The following MTSS1 variants were observed in gnomAD, a reference collection of about 807,000 sequenced individuals.
MTSS1 encodes protein MTSS 1.
Under a neutral mutation model 79.0 loss-of-function variants are expected in MTSS1, and 18 were observed. That is an observed-to-expected ratio of 0.23 (90% CI 0.16 to 0.34). The LOEUF is 0.34. Among genes scored for constraint, MTSS1 ranks in the 10% least tolerant of loss-of-function variants. The pLI, the probability that MTSS1 is intolerant of heterozygous loss-of-function variation, is 1.00. For synonymous variants in MTSS1, 341 were observed against 368.6 expected (o/e 0.93, Z 0.86); for missense variants, 815 against 986.2 (o/e 0.83, Z 2.33).
chr8:124,718,459 C>T (rs186265715), intron 1 of MTSS1, among the ~76,000 whole-genome samples: 29 of 152,124 alleles, frequency 1.9e-4, no homozygotes, highest in African/African-American at 7.0e-4. Flanking sequence ...CTCTGCTCCC[C>T]GCTCCCTGTT....
At chr8:124,669,533 T>C (rs1298145876) in intron 3 of MTSS1, among the ~76,000 whole-genome samples, 1 of 152,200 alleles carries the variant, frequency 6.6e-6, no homozygotes, top group Admixed American at 6.5e-5. Flanking sequence ...AGCTGGCTAG[T>C]GAATATATTG....
Position 124,699,589 on chromosome 8 carries a change from C to T in MTSS1, c.145G>A (p.Val49Ile), listed in dbSNP as rs1315286987. Reference protein sequence around the residue: ...KLQSQLRTTVVAAAAFLDAFQ... With the variant: ...KLQSQLRTTVIAAAAFLDAFQ... ...GCGTCCAAGAAGGCAGCTGCTGCTA[C>T]TACTGTTGTCCTAAAATGCAAACAG... Residue 49 changes from valine (V) to isoleucine (I), a missense_variant, in exon 3 of 14, where the codon GTA becomes ATA. Around this residue, in one of 2 missense-constraint regions of MTSS1, gnomAD observed 225 missense variants for 365.4 expected, o/e 0.62. Coordinates refer to ENST00000518547, the MANE Select transcript of MTSS1 (RefSeq NM_014751.6). 1 of 1,614,134 alleles carries T rather than the reference C, an allele frequency of 6.2e-7. No individual in the cohort carries two copies. Among genetic ancestry groups the T allele is most frequent in the Non-Finnish European group, 8.5e-7 (1 of 1,179,984 alleles).
chr8:124,633,321 G>C lies in MTSS1; in HGVS notation c.209-42086C>G, dbSNP rs578150211. Among the ~76,000 whole-genome samples the C allele has an allele frequency of 3.9e-4, 59 of 152,248 alleles. 1 individual carries two copies. The South Asian group carries it at 0.01, about 27-fold the overall frequency. On this transcript the variant is annotated intron_variant, in intron 3 of 13. Transcript: ENST00000518547. ...TCTTTAAGAACAGCATTCAGAATTA[G>C]GTTTCTAAGTGACTCAATAAAAGGA...
At chr8:124,673,665 A>C (rs183101650) in intron 3 of MTSS1, among the ~76,000 whole-genome samples, 1 of 152,188 alleles carries the variant, frequency 6.6e-6, no homozygotes, top group African/African-American at 2.4e-5. Flanking sequence ...AGAGAAGGAG[A>C]CCCAGATTCA....
intron 3 of MTSS1, among the ~76,000 whole-genome samples, chr8:124,615,760 C>T (rs926042958): frequency 6.6e-6 from 1 of 152,142 alleles, no homozygotes; most frequent in Non-Finnish European, 1.5e-5. Context: ...CTCATTATAG[C>T]TTTGGTTTCT....
At chr8:124,571,030 C>T (rs983039033) in intron 6 of MTSS1, among the ~76,000 whole-genome samples, 1 of 152,156 alleles carries the variant, frequency 6.6e-6, no homozygotes, top group African/African-American at 2.4e-5. Flanking sequence ...GTCACTACCT[C>T]CACCCCTCAG....
intron 3 of MTSS1, among the ~76,000 whole-genome samples, chr8:124,629,505 C>CAAAAAAAAAAAAAAAAAAA (rs982816199): frequency 9.6e-5 from 6 of 62,192 alleles, no homozygotes; most frequent in Non-Finnish European, 1.4e-4. Context: ...GACTCCGTCT[C>CAAAAAAAAAAAAAAAAAAA]AAAAAAAAAA....
At position 124,556,216 on chromosome 8, in the gene MTSS1, A is replaced by T; in HGVS notation, c.1404+16T>A. 6.2e-7 allele frequency: 1 copy of T among 1,614,176 alleles called. No individual in the cohort carries two copies. The highest frequency in any genetic ancestry group is 8.5e-7 in the Non-Finnish European group (1 of 1,180,014). On this transcript the variant is annotated intron_variant, in intron 12 of 13. Transcript: ENST00000518547. ...CTGAGGTGGCCCCAACCAGCTACTG[A>T]GAACAAGAGCATCACCCTGGTGGCA... is the stretch of plus-strand genomic sequence containing the variant.
chr8:124,663,817 G>A (rs757802189), intron 3 of MTSS1, among the ~76,000 whole-genome samples: 10 of 152,116 alleles, frequency 6.6e-5, no homozygotes, highest in Non-Finnish European at 1.5e-4. Context: ...CTCAAGGAGG[G>A]CAGAGACACA....
At chr8:124,614,325 T>C (rs950938922) in intron 3 of MTSS1, among the ~76,000 whole-genome samples, 2 of 152,194 alleles carry the variant, frequency 1.3e-5, no homozygotes, top group African/African-American at 4.8e-5. Flanking sequence ...GTCACATTTA[T>C]AAAAACAATC....
At chr8:124,700,152 AAAAAG>A (rs1206005142) in intron 2 of MTSS1, among the ~76,000 whole-genome samples, 1 of 151,134 alleles carries the variant, frequency 6.6e-6, no homozygotes, top group Non-Finnish European at 1.5e-5. Flanking sequence ...AAAAAAAAGA[AAAAAG>A]AAACACCTAC....
chr8:124,630,349 C>T (rs371149772), intron 3 of MTSS1, among the ~76,000 whole-genome samples: 1 of 151,590 alleles, frequency 6.6e-6, no homozygotes, highest in Non-Finnish European at 1.5e-5. Flanking sequence ...AGACTGTCAG[C>T]CACATGGGAG....
rs766876215 is a variant in MTSS1 at position 124,589,725 on chromosome 8, G to T, written c.294-14C>A. 3 of 1,568,552 alleles carry T rather than the reference G, an allele frequency of 1.9e-6. No homozygotes were observed. Among genetic ancestry groups the T allele is most frequent in the Middle Eastern group, 1.7e-4 (1 of 5,952 alleles). On this transcript the variant is annotated splice_polypyrimidine_tract_variant and intron_variant, in intron 4 of 13. Coordinates refer to ENST00000518547, the MANE Select transcript of MTSS1 (RefSeq NM_014751.6). ...TCAATTAAAGCGCTTTTACCAAGCG[G>T]GGGGGAAAAAGGGAGAAATTAAATA...
chr8:124,703,513 G>C (rs1829993308), intron 2 of MTSS1, among the ~76,000 whole-genome samples: 1 of 152,164 alleles, frequency 6.6e-6, no homozygotes, highest in African/African-American at 2.4e-5. Context: ...GACTGGTCTT[G>C]AACTCCTGAC....
intron 1 of MTSS1, among the ~76,000 whole-genome samples, chr8:124,724,038 C>A (rs1833324012): frequency 6.6e-6 from 1 of 152,158 alleles, no homozygotes; most frequent in African/African-American, 2.4e-5. Flanking sequence ...AGGAGCTCTC[C>A]AAGGGCAGAG....
At chr8:124,583,290 G>C (rs1384092429) in intron 6 of MTSS1, among the ~76,000 whole-genome samples, 1 of 152,042 alleles carries the variant, frequency 6.6e-6, no homozygotes, top group Non-Finnish European at 1.5e-5. Context: ...CAAGTCCCAG[G>C]GCCAGATGCC....
Position 124,555,821 on chromosome 8 carries a change from C to A in MTSS1, c.1488G>T (p.Arg496=), listed in dbSNP as rs763186079. Residue 496 remains arginine (R), a synonymous_variant, in exon 13 of 14, where the codon CGG becomes CGT. Coordinates refer to ENST00000518547, the MANE Select transcript of MTSS1 (RefSeq NM_014751.6). ...GLQLDTQRSS[R]DSLQCSSGYS... is the part of the protein sequence containing the mutation. ...AGCCGCTGGAGCACTGAAGCGAGTC[C>A]CGGCTGCTCCTCTGGGTGTCCAGCT... 1.2e-6 allele frequency: 2 copies of A among 1,613,508 alleles called. No individual in the cohort carries two copies. Among genetic ancestry groups the A allele is most frequent in the South Asian group, 2.2e-5 (2 of 90,936 alleles).
intron 3 of MTSS1, among the ~76,000 whole-genome samples, chr8:124,659,779 G>C (rs1191851421): frequency 2.0e-5 from 3 of 152,142 alleles, no homozygotes; most frequent in Admixed American, 6.5e-5. Context: ...GCTCCCACCT[G>C]GGTAACATGA....
At position 124,692,295 on chromosome 8, in the gene MTSS1, A is replaced by G. The variant is rs1828067394; in HGVS notation, c.208+7231T>C. ...TCCACCCACCTCGGCCTCTCAAATGATTCGAACTTTACACATTATATCAAT... is the reference window on the plus strand; with the variant it reads ...TCCACCCACCTCGGCCTCTCAAATGGTTCGAACTTTACACATTATATCAAT... On this transcript the variant is annotated intron_variant, in intron 3 of 13. Coordinates refer to ENST00000518547, the MANE Select transcript of MTSS1 (RefSeq NM_014751.6). Among the ~76,000 whole-genome samples the G allele has an allele frequency of 2.0e-5, 3 of 152,122 alleles. No homozygotes were observed. In the South Asian group the frequency reaches 6.2e-4, roughly 32 times the overall value.
Sources: gnomAD v4.1 joint callset for allele counts (sites outside exome capture counted in the v4.1 genomes callset) on GRCh38, gnomAD v4.1.1 for gene constraint, gnomAD v4.1.1 regional missense constraint, MANE v1.5 for transcripts, NCBI Gene and HGNC (gene_info 2026-07-23, HGNC 2026-07-21) for gene names.